MTOR: variants seen among roughly 807,000 people sequenced by gnomAD.
MTOR encodes serine/threonine-protein kinase mTOR.
A neutral mutation model predicts 319.8 loss-of-function variants in MTOR; 70 were observed. That is an observed-to-expected ratio of 0.22 (90% CI 0.18 to 0.27). The LOEUF is 0.27. Ranked by LOEUF, MTOR falls within the 10% of genes least tolerant of loss-of-function variation. The pLI, the probability that MTOR is intolerant of heterozygous loss-of-function variation, is 1.00. For missense variants in MTOR, 1,890 were observed against 3,274.4 expected (o/e 0.58, Z 10.32); for synonymous variants, 1,183 against 1,211.4 (o/e 0.98, Z 0.49).
At position 11,210,194 on chromosome 1, in the gene MTOR, A is replaced by C. The variant is rs150584214; in HGVS notation, c.3654+620T>G. ...TTAATCTACTTTGAGATAGGGTCTC[A>C]CTCTGCCACCCAGGCTGGAGTGCAC... On this transcript the variant is annotated intron_variant, in intron 24 of 57. Coordinates refer to ENST00000361445, the MANE Select transcript of MTOR (RefSeq NM_004958.4). 2.0e-5 allele frequency among the ~76,000 whole-genome samples: 3 copies of C among 148,204 alleles called. No individual in the cohort carries two copies. In the East Asian group the frequency reaches 6.1e-4, roughly 30 times the overall value.
At chr1:11,192,694 G>A (rs898169987) in intron 28 of MTOR, among the ~76,000 whole-genome samples, 1 of 148,658 alleles carries the variant, frequency 6.7e-6, no homozygotes, top group Non-Finnish European at 1.5e-5. Flanking sequence ...GCAGTGAGCC[G>A]AGATCACGCC....
At chr1:11,144,467 A>T (rs1643859249) in intron 34 of MTOR, 181 bp downstream of exon 34, 2 of 544,784 alleles carry the variant, frequency 3.7e-6, no homozygotes, top group South Asian at 5.7e-5. Context: ...TCATTCTCTC[A>T]CAGCTTAAGT....
rs1557454961 is a variant in MTOR, at chr1:11,231,044, A to T, written c.2660T>A (p.Val887Glu). Residue 887 changes from valine to glutamate, a missense_variant, in exon 18 of 58, where the codon GTG becomes GAG. By Grantham distance (121) the Val-to-Glu change is moderately radical. Coordinates refer to ENST00000361445, the MANE Select transcript of MTOR (RefSeq NM_004958.4). ...ATCCAAAGCCCCTAAAAGCCCTAACACACGGATGGCCTGCGTGGGAAAGGG... is the reference window on the plus strand; with the variant it reads ...ATCCAAAGCCCCTAAAAGCCCTAACTCACGGATGGCCTGCGTGGGAAAGGG... ...NQGTRREAIR[V>E]LGLLGALDPY... is the part of the protein sequence containing the mutation. 1.9e-6 allele frequency: 3 copies of T among 1,614,116 alleles called. No homozygotes were observed. The highest frequency in any genetic ancestry group is 2.5e-6 in the Non-Finnish European group (3 of 1,180,014).
chr1:11,227,173 C>T (rs1023911260), intron 19 of MTOR, among the ~76,000 whole-genome samples: 5 of 151,316 alleles, frequency 3.3e-5, no homozygotes, highest in Non-Finnish European at 7.4e-5. Context: ...TGGTGCACCC[C>T]TGTAATCCCA....
intron 28 of MTOR, among the ~76,000 whole-genome samples, chr1:11,180,545 C>T (rs1645114472): frequency 6.6e-6 from 1 of 152,110 alleles, no homozygotes; most frequent in African/African-American, 2.4e-5. Flanking sequence ...TTTGTGGTGC[C>T]TAAGTCAGGG....
At chr1:11,186,587 G>A (rs994646231) in intron 28 of MTOR, among the ~76,000 whole-genome samples, 6 of 152,214 alleles carry the variant, frequency 3.9e-5, no homozygotes, top group African/African-American at 1.4e-4. Context: ...GATTTTGTCA[G>A]TTAATTCCCA....
intron 34 of MTOR, among the ~76,000 whole-genome samples, chr1:11,142,463 A>AT (rs1643759747): frequency 2.7e-5 from 4 of 150,820 alleles, no homozygotes; most frequent in Admixed American, 6.6e-5. Context: ...TAATTTTTGT[A>AT]TTTTTTTCTT....
In MTOR at chr1:11,134,392, C is replaced by G; in HGVS notation, c.5205G>C (p.Glu1735Asp). 6.2e-7 allele frequency: 1 copy of G among 1,614,186 alleles called. No individual in the cohort carries two copies. Among genetic ancestry groups the G allele is most frequent in the Non-Finnish European group, 8.5e-7 (1 of 1,180,034 alleles). ...QQQAQHAIAT[E>D]DQQHKQELHK... Reference sequence around the variant, plus strand: ...GCAGTTCCTGCTTATGCTGCTGGTCCTCAGTAGCGATGGCATGCTGGGCCT... The same window carrying G: ...GCAGTTCCTGCTTATGCTGCTGGTCGTCAGTAGCGATGGCATGCTGGGCCT... The change falls in exon 37 of 58, where the codon GAG becomes GAC. Residue 1735 changes from glutamate (E) to aspartate (D), a missense_variant. Coordinates refer to ENST00000361445, the MANE Select transcript of MTOR (RefSeq NM_004958.4).
At chr1:11,141,084 A>G (rs1378096951) in intron 34 of MTOR, among the ~76,000 whole-genome samples, 1 of 151,642 alleles carries the variant, frequency 6.6e-6, no homozygotes, top group Non-Finnish European at 1.5e-5. Context: ...TATACACAGA[A>G]GGGGAAATGC....
At chr1:11,255,783 G>A (rs1263359298) in intron 5 of MTOR, among the ~76,000 whole-genome samples, 1 of 147,800 alleles carries the variant, frequency 6.8e-6, no homozygotes, top group Non-Finnish European at 1.5e-5. Flanking sequence ...AGAGGCGGAG[G>A]TTGCAGTGAG....
At chr1:11,235,571 A>G (rs151131626) in intron 13 of MTOR, among the ~76,000 whole-genome samples, 2 of 152,254 alleles carry the variant, frequency 1.3e-5, no homozygotes, top group Non-Finnish European at 2.9e-5. Flanking sequence ...TTAAAAACAA[A>G]AAAGAGTAAT....
At chr1:11,152,026 C>T (rs1049295247) in intron 30 of MTOR, among the ~76,000 whole-genome samples, 7 of 152,320 alleles carry the variant, frequency 4.6e-5, no homozygotes, top group African/African-American at 1.7e-4. Context: ...GAAGGGCAAG[C>T]CCTAGCAGTG....
intron 8 of MTOR, 130 bp downstream of exon 8, chr1:11,247,495 T>G (rs986433345): frequency 5.3e-6 from 4 of 748,226 alleles, no homozygotes; most frequent in Non-Finnish European, 8.9e-6. Context: ...GCATTGAAAT[T>G]GGACATGAGA....
rs373285605 is a variant in MTOR at position 11,238,868 on chromosome 1, T to C, written c.1787-251A>G. ...GGCTCCGCCTCCCGGGTTCACACCA[T>C]TCTCCTGCCTCAGCCTCCTGAGTAG... On this transcript the variant is annotated intron_variant, in intron 11 of 57. Transcript: ENST00000361445. Among the ~76,000 whole-genome samples the C allele has an allele frequency of 2.0e-5, 3 of 151,676 alleles. No homozygotes were observed. In the East Asian group the frequency reaches 5.8e-4, roughly 30 times the overall value.
In MTOR at chr1:11,191,882, T is replaced by C. The variant is rs561406765; in HGVS notation, c.4253+7376A>G. On this transcript the variant is annotated intron_variant, in intron 28 of 57. Transcript: ENST00000361445. ...ACTCTATGAGATATTCACGACTGAT[T>C]TGTTATAGTGGCGGCTGTCTAAGAA... Among the ~76,000 whole-genome samples, 10 of 152,312 alleles carry C rather than the reference T, an allele frequency of 6.6e-5. No homozygotes were observed. In the South Asian group the frequency reaches 8.3e-4, roughly 13 times the overall value.
intron 36 of MTOR, 81 bp downstream of exon 36, chr1:11,139,223 G>A (rs1013025856): frequency 6.7e-7 from 1 of 1,503,634 alleles, no homozygotes; most frequent in Non-Finnish European, 8.9e-7. Context: ...TTTCTTTTCT[G>A]GCCTTAAAGA....
At chr1:11,171,636 A>C (rs1188224779) in intron 28 of MTOR, among the ~76,000 whole-genome samples, 1 of 152,116 alleles carries the variant, frequency 6.6e-6, no homozygotes, top group Non-Finnish European at 1.5e-5. Flanking sequence ...AAGAGAAACA[A>C]ATTTTACCTT....
chr1:11,260,547 A>C (rs1024583353), intron 1 of MTOR, among the ~76,000 whole-genome samples: 5 of 140,172 alleles, frequency 3.6e-5, no homozygotes, highest in Admixed American at 2.1e-4. Flanking sequence ...CATCTCAATT[A>C]AAAAAAAAAA....
At chr1:11,117,521 C>T (rs570320090) in intron 49 of MTOR, among the ~76,000 whole-genome samples, 12 of 152,234 alleles carry the variant, frequency 7.9e-5, no homozygotes, top group Admixed American at 2.0e-4. Context: ...ATTATAAAGA[C>T]CTCATTCACA....
Sources: allele counts gnomAD v4.1 joint callset (sites outside exome capture counted in the v4.1 genomes callset), GRCh38; gene constraint gnomAD v4.1.1; transcripts MANE v1.5; gene names NCBI Gene and HGNC (gene_info 2026-07-23, HGNC 2026-07-21).